MYO9B: variants seen among roughly 807,000 people sequenced by gnomAD.
The protein encoded by MYO9B is myosin IXB.
A neutral mutation model predicts 229.5 loss-of-function variants in MYO9B; 71 were observed. The observed-to-expected ratio is 0.31, with a 90% CI of 0.26 to 0.38. The LOEUF is 0.38. Ranked by LOEUF, MYO9B falls within the 10% of genes least tolerant of loss-of-function variation. The probability of loss-of-function intolerance (pLI) is 1.00; values close to 1 mark genes in which losing one functional copy is unlikely to be tolerated. For synonymous variants in MYO9B, 1,185 were observed against 1,235.8 expected, an observed-to-expected ratio of 0.96 and a Z score of 0.86; for missense variants, 2,255 against 2,920.5, an observed-to-expected ratio of 0.77 and a Z score of 5.25.
At chr19:17,120,816 A>G (rs2057956572) in intron 2 of MYO9B, among the ~76,000 whole-genome samples, 1 of 152,250 alleles carries the variant, frequency 6.6e-6, no homozygotes, top group Non-Finnish European at 1.5e-5. Flanking sequence ...ATAACAGCAG[A>G]TATAGAGCAG....
intron 18 of MYO9B, 22 bp downstream of exon 18, chr19:17,186,023 GGGA>G: frequency 1.2e-6 from 2 of 1,607,136 alleles, no homozygotes; most frequent in Non-Finnish European, 1.7e-6. Flanking sequence ...TAAGGTGTTT[GGGA>G]GGAGAAGGCC....
At chr19:17,153,794 C>T (rs1207699503) in intron 4 of MYO9B, among the ~76,000 whole-genome samples, 173 bp from the exon 5 acceptor site, 1 of 151,926 alleles carries the variant, frequency 6.6e-6, no homozygotes, top group Non-Finnish European at 1.5e-5. Context: ...TACTCGCTCA[C>T]GACACTCATT....
chr19:17,101,578 T>C lies in MYO9B; in HGVS notation c.-58-82T>C. 1 of 1,334,454 alleles carries C rather than the reference T, an allele frequency of 7.5e-7. No individual in the cohort carries two copies. Among genetic ancestry groups the C allele is most frequent in the South Asian group, 1.6e-5 (1 of 64,516 alleles). 82.7% of individuals were successfully genotyped at this position (1,334,454 alleles called of 1,614,324 possible). A position where few individuals can be genotyped will look rare whatever the true frequency, so the allele number is the denominator to read the frequency against. On this transcript the variant is annotated intron_variant, in intron 1 of 39. Transcript: ENST00000682292. This position sits in a 1 kb window ranked among gnomAD's most constrained non-coding sequence, Gnocchi z 4.7. ...AACTCCAGCATCGGGTCAGGTGCTA[T>C]CTGCCCAGGAGTGGGACTCCACATG...
At chr19:17,153,507 C>G (rs1455830446) in intron 4 of MYO9B, among the ~76,000 whole-genome samples, 1 of 149,684 alleles carries the variant, frequency 6.7e-6, no homozygotes, top group African/African-American at 2.5e-5. Context: ...GGCAACATGG[C>G]AAAATCCCAT....
At chr19:17,147,529 C>T (rs1485178207) in intron 3 of MYO9B, among the ~76,000 whole-genome samples, 1 of 108,312 alleles carries the variant, frequency 9.2e-6, no homozygotes, top group Admixed American at 1.2e-4. Flanking sequence ...GGGTGACGAG[C>T]GAAAGTCCAT....
intron 2 of MYO9B, among the ~76,000 whole-genome samples, chr19:17,119,737 C>T (rs889296426): frequency 3.3e-5 from 5 of 152,244 alleles, no homozygotes; most frequent in East Asian, 1.9e-4. Context: ...CTGCAGGCTC[C>T]GCCTCCCGGG....
chr19:17,099,815 TAAAAA>T (rs34945453), intron 1 of MYO9B, among the ~76,000 whole-genome samples: 12 of 116,298 alleles, frequency 1.0e-4, no homozygotes, highest in African/African-American at 3.7e-4. Flanking sequence ...GAGACTGTCT[TAAAAA>T]AAAAAAAAAA....
In MYO9B at chr19:17,173,313, T is replaced by TTTTA. The variant is rs547342934; in HGVS notation, c.2140+350_2140+351insTTTA. On this transcript the variant is annotated intron_variant, in intron 13 of 39. Transcript: ENST00000682292. ...TGCTCTTTTTTTTTTTTTTTTTTTT[T>TTTTA]AGAGACAGGGTCTCTCTCTCTCTCT... Among the ~76,000 whole-genome samples the TTTTA allele has an allele frequency of 1.1e-3, 134 of 125,872 alleles. 11 individuals carry two copies. Among genetic ancestry groups the TTTTA allele is most frequent in the African/African-American group, 1.5e-3 (49 of 32,228 alleles). The allele number at this position is 125,872 out of a possible 152,430, so 82.6% of individuals were successfully genotyped here.
intron 2 of MYO9B, among the ~76,000 whole-genome samples, chr19:17,131,202 C>T (rs1203828642): frequency 6.6e-6 from 1 of 152,218 alleles, no homozygotes; most frequent in Non-Finnish European, 1.5e-5. Flanking sequence ...CAATCATTCT[C>T]CCCCACTGGA....
intron 22 of MYO9B, among the ~76,000 whole-genome samples, chr19:17,197,287 A>G (rs2073052885): frequency 6.6e-6 from 1 of 151,998 alleles, no homozygotes; most frequent in Admixed American, 6.6e-5. Flanking sequence ...AAAAAAAAAA[A>G]AAAGATAGAT....
At position 17,102,555 on chromosome 19, in the gene MYO9B, G is replaced by C; in HGVS notation, c.838G>C (p.Glu280Gln). The change falls in exon 2 of 40, where the codon GAG (glutamate) becomes CAG (glutamine). Residue 280 changes from glutamate to glutamine, a missense_variant and splice_region_variant. Physicochemically the swap from Glu to Gln is conservative, Grantham distance 29 (BLOSUM62 2). Around this residue, in one of 7 missense-constraint regions of MYO9B, gnomAD observed 386 missense variants for 515.2 expected, o/e 0.75. Coordinates refer to ENST00000682292, the MANE Select transcript of MYO9B (RefSeq NM_004145.4). Reference sequence around the variant, plus strand: ...CATCCTGGGTGCTGGCCCTGTGCTGGAGGTGAGCGGGGAAGCTGGTCGGTC... The same window carrying C: ...CATCCTGGGTGCTGGCCCTGTGCTGCAGGTGAGCGGGGAAGCTGGTCGGTC... ...RTILGAGPVL[E>Q]AFGNAKTAHN... 6.3e-7 allele frequency: 1 copy of C among 1,582,276 alleles called. No individual in the cohort carries two copies. The highest frequency in any genetic ancestry group is 1.1e-5 in the South Asian group (1 of 88,782).
chr19:17,146,280 T>C (rs1225248888), intron 3 of MYO9B, among the ~76,000 whole-genome samples: 2 of 151,536 alleles, frequency 1.3e-5, no homozygotes, highest in African/African-American at 2.4e-5. Context: ...GATCTACCCA[T>C]ACACTCATGA....
In MYO9B at chr19:17,101,598, C is replaced by T; in HGVS notation, c.-58-62C>T. The T allele has an allele frequency of 1.4e-6, 2 of 1,406,860 alleles. No homozygotes were observed. Among genetic ancestry groups the T allele is most frequent in the Non-Finnish European group, 1.9e-6 (2 of 1,071,630 alleles). The allele number at this position is 1,406,860 out of a possible 1,614,324, so 87.1% of individuals were successfully genotyped here. Reference sequence around the variant, plus strand: ...TGCTATCTGCCCAGGAGTGGGACTCCACATGCCCCTTAAACTTCCTCCCAC... The same window carrying T: ...TGCTATCTGCCCAGGAGTGGGACTCTACATGCCCCTTAAACTTCCTCCCAC... On this transcript the variant is annotated intron_variant, in intron 1 of 39. Coordinates refer to ENST00000682292, the MANE Select transcript of MYO9B (RefSeq NM_004145.4). The surrounding 1 kb of genome is among the most constrained non-coding windows in gnomAD (Gnocchi z 4.7).
At position 17,202,037 on chromosome 19, in the gene MYO9B, C is replaced by A. The variant is rs754770937; in HGVS notation, c.4662+13C>A. The A allele has an allele frequency of 6.2e-7, 1 of 1,612,096 alleles. No individual in the cohort carries two copies. Among genetic ancestry groups the A allele is most frequent in the Non-Finnish European group, 8.5e-7 (1 of 1,179,014 alleles). On this transcript the variant is annotated intron_variant, in intron 27 of 39. Coordinates refer to ENST00000682292, the MANE Select transcript of MYO9B (RefSeq NM_004145.4). ...GTACTCTGTCCCGGTATGTGGCGGC[C>A]CGGCCTTCAGCCTTTCCCATACCCT...
In MYO9B at chr19:17,092,743, A is replaced by G. The variant is rs968177437; in HGVS notation, c.-58-8917A>G. Among the ~76,000 whole-genome samples the G allele has an allele frequency of 3.5e-5, 5 of 140,846 alleles. No individual in the cohort carries two copies. The East Asian group carries it at 8.3e-4, about 23-fold the overall frequency. 92.4% of individuals were successfully genotyped at this position (140,846 alleles called of 152,430 possible). A position where few individuals can be genotyped will look rare whatever the true frequency, so the allele number is the denominator to read the frequency against. ...CCGTCAAAAAAAAAAAAAAAAAAAA[A>G]GCGCTTGCACATATGTTTTTTCATA... On this transcript the variant is annotated intron_variant, in intron 1 of 39. Coordinates refer to ENST00000682292, the MANE Select transcript of MYO9B (RefSeq NM_004145.4).
intron 1 of MYO9B, among the ~76,000 whole-genome samples, chr19:17,098,465 C>CA (rs2057713743): frequency 6.6e-5 from 10 of 152,222 alleles, no homozygotes; most frequent in Admixed American, 5.9e-4. Flanking sequence ...CGTCTACACT[C>CA]ACGTCTGTTT....
chr19:17,137,138 G>T (rs1357305208), intron 2 of MYO9B, among the ~76,000 whole-genome samples: 1 of 150,176 alleles, frequency 6.7e-6, no homozygotes, highest in Non-Finnish European at 1.5e-5. Context: ...TGAGGCAGGA[G>T]AATTGCTTGA....
Position 17,104,346 on chromosome 19 carries a change from G to A in MYO9B, c.840+1789G>A, listed in dbSNP as rs538626001. Among the ~76,000 whole-genome samples the A allele has an allele frequency of 6.6e-5, 10 of 152,248 alleles. No individual in the cohort carries two copies. In the East Asian group the frequency reaches 1.9e-3, roughly 29 times the overall value. ...CAGGCTCTTATGCCTCATGCCCTCTGCCCACTGTTCATTGCCCTGATCAGC... is the reference window on the plus strand; with the variant it reads ...CAGGCTCTTATGCCTCATGCCCTCTACCCACTGTTCATTGCCCTGATCAGC... On this transcript the variant is annotated intron_variant, in intron 2 of 39. Transcript: ENST00000682292.
chr19:17,194,667 G>A lies in MYO9B; in HGVS notation c.3240G>A (p.Gly1080=), dbSNP rs767548761. 2 of 1,612,646 alleles carry A rather than the reference G, an allele frequency of 1.2e-6. No individual in the cohort carries two copies. Among genetic ancestry groups the A allele is most frequent in the Non-Finnish European group, 1.7e-6 (2 of 1,179,824 alleles). ...GCGGACAGGGTCAGGCGGCTGGAGG[G>A]CAGCAGGTAGCTGAGCAGGGGCCGG... is the stretch of plus-strand genomic sequence containing the variant. ...EEGGQGQAAG[G]QQVAEQGPEP... Residue 1080 remains glycine (G), a synonymous_variant, in exon 22 of 40, where the codon GGG becomes GGA. Transcript: ENST00000682292.
Sources: gnomAD v4.1 joint callset for allele counts (sites outside exome capture counted in the v4.1 genomes callset) on GRCh38, gnomAD v4.1.1 for gene constraint, gnomAD v4.1.1 regional missense constraint, Gnocchi (gnomAD v3.1) non-coding constraint, MANE v1.5 for transcripts, NCBI Gene and HGNC (gene_info 2026-07-23, HGNC 2026-07-21) for gene names.